The following FUBP1 variants were observed in gnomAD, a reference collection of about 807,000 sequenced individuals.
The protein encoded by FUBP1 is far upstream element-binding protein 1.
FUBP1 carries 16 observed loss-of-function variants against 94.9 expected under a neutral mutation model. The ratio of observed to expected loss-of-function variants is 0.17; its 90% CI spans 0.11 to 0.26. The LOEUF (loss-of-function observed/expected upper bound fraction) is 0.26. Ranked by LOEUF, FUBP1 falls within the 10% of genes least tolerant of loss-of-function variation. The pLI, the probability that FUBP1 is intolerant of heterozygous loss-of-function variation, is 1.00. For synonymous variants in FUBP1, 279 were observed against 254.9 expected, an observed-to-expected ratio of 1.09 and a Z score of -0.90; for missense variants, 583 against 808.6, an observed-to-expected ratio of 0.72 and a Z score of 3.38.
chr1:77,965,264 G>A (rs548209601), intron 7 of FUBP1, 33 bp from the exon 8 acceptor site: 4 of 1,436,338 alleles, frequency 2.8e-6, no homozygotes, highest in Non-Finnish European at 3.9e-6. Context: ...ATAGTAAGCT[G>A]TAGCATACCC....
At chr1:77,967,536 C>A (rs1260828066) in intron 4 of FUBP1, 91 bp downstream of exon 4, 2 of 903,064 alleles carry the variant, frequency 2.2e-6, no homozygotes, top group Non-Finnish European at 3.6e-6. Context: ...AATACACAGA[C>A]ACATATTCAA....
intron 18 of FUBP1, among the ~76,000 whole-genome samples, chr1:77,953,026 C>T (rs1336266573): frequency 2.6e-5 from 4 of 151,898 alleles, no homozygotes; most frequent in Non-Finnish European, 5.9e-5. Context: ...ATCCCAGCTA[C>T]TTGGGAAGTT....
chr1:77,957,367 G>C (rs114556460), intron 16 of FUBP1, among the ~76,000 whole-genome samples: 10 of 152,062 alleles, frequency 6.6e-5, no homozygotes, highest in Admixed American at 3.9e-4. Context: ...CCCTTTGGTT[G>C]TATCTCTTCA....
intron 1 of FUBP1, among the ~76,000 whole-genome samples, chr1:77,976,957 T>C (rs1317129381): frequency 1.3e-5 from 2 of 152,188 alleles, no homozygotes; most frequent in Non-Finnish European, 2.9e-5. Flanking sequence ...CTGCGCATGC[T>C]GCTTCTTTTC....
At position 77,948,455 on chromosome 1, in the gene FUBP1, A is replaced by G; in HGVS notation, c.*311T>C. 8.6e-7 allele frequency: 1 copy of G among 1,161,094 alleles called. No homozygotes were observed. Among genetic ancestry groups the G allele is most frequent in the Non-Finnish European group, 1.1e-6 (1 of 941,068 alleles). The allele number at this position is 1,161,094 out of a possible 1,614,324, so 71.9% of individuals were successfully genotyped here. A position where few individuals can be genotyped will look rare whatever the true frequency, so the allele number is the denominator to read the frequency against. On this transcript the variant is annotated 3_prime_UTR_variant, in exon 20 of 20. Coordinates refer to ENST00000370768, the MANE Select transcript of FUBP1 (RefSeq NM_003902.5). The stretch of plus-strand genomic sequence containing the variant: ...GCACAAAACAGGCATTTTAAAAGTG[A>G]AAGTATACATTGAAAAAGTACATTT...
intron 14 of FUBP1, 35 bp from the exon 15 acceptor site, chr1:77,960,530 A>G: frequency 1.3e-6 from 2 of 1,541,556 alleles, no homozygotes; most frequent in Non-Finnish European, 1.8e-6. Context: ...AAAATCAGAA[A>G]AACACAGTAA....
chr1:77,968,637 A>C (rs1656958423), intron 2 of FUBP1, among the ~76,000 whole-genome samples: 1 of 150,328 alleles, frequency 6.7e-6, no homozygotes, highest in Non-Finnish European at 1.5e-5. Context: ...CCACAAAGCT[A>C]TGCCCAAAAA....
intron 18 of FUBP1, among the ~76,000 whole-genome samples, chr1:77,950,577 G>A (rs11162400): frequency 0.09 from 13,756 of 152,186 alleles, 820 homozygotes; most frequent in Admixed American, 0.18. Context: ...GAAGCTGAGT[G>A]TCTGATGCCT....
chr1:77,978,664 C>CGT (rs1659226623), intron 1 of FUBP1, among the ~76,000 whole-genome samples: 1 of 152,206 alleles, frequency 6.6e-6, no homozygotes, highest in Non-Finnish European at 1.5e-5. Flanking sequence ...GCCTTCTTTG[C>CGT]GTAGCACGCG....
Position 77,960,224 on chromosome 1 carries a change from A to G in FUBP1, c.1536T>C (p.Asn512=). The G allele has an allele frequency of 6.2e-7, 1 of 1,612,770 alleles. No homozygotes were observed. The highest frequency in any genetic ancestry group is 2.2e-5 in the East Asian group (1 of 44,874). Residue 512 remains asparagine (N), a synonymous_variant, in exon 16 of 20, where the codon AAT becomes AAC. Coordinates refer to ENST00000370768, the MANE Select transcript of FUBP1 (RefSeq NM_003902.5). ...PAPYAPQGWG[N]AYPHWQQQAP... ...CCTGCTGCTGCCAGTGTGGATATGCATTTCCCCATCCCTGGGGAGCATATG... is the reference window on the plus strand; with the variant it reads ...CCTGCTGCTGCCAGTGTGGATATGCGTTTCCCCATCCCTGGGGAGCATATG...
chr1:77,975,434 T>C (rs990507621), intron 1 of FUBP1, among the ~76,000 whole-genome samples: 5 of 152,152 alleles, frequency 3.3e-5, no homozygotes, highest in Non-Finnish European at 7.4e-5. Context: ...AAAACAGCTC[T>C]AGTCTATATT....
At position 77,949,280 on chromosome 1, in the gene FUBP1, T is replaced by G; in HGVS notation, c.1801A>C (p.Thr601Pro). 3 of 1,613,876 alleles carry G rather than the reference T, an allele frequency of 1.9e-6. No individual in the cohort carries two copies. The highest frequency in any genetic ancestry group is 2.5e-6 in the Non-Finnish European group (3 of 1,179,772). Residue 601 changes from threonine to proline, a missense_variant, in exon 19 of 20, where the codon ACT becomes CCT. By Grantham distance (38) the Thr-to-Pro change is conservative (BLOSUM62 -1). Transcript: ENST00000370768. The stretch of plus-strand genomic sequence containing the variant: ...GGCTGACCACCTGGAGGAGCCCCAG[T>G]CGGAGCAGGAACTGCCTGACCTTTG... ...KKMGQAVPAP[T>P]GAPPGGQPDY...
chr1:77,961,317 A>G (rs1655438225), intron 14 of FUBP1, among the ~76,000 whole-genome samples: 1 of 152,218 alleles, frequency 6.6e-6, no homozygotes, highest in Non-Finnish European at 1.5e-5. Context: ...TCTCACTGCA[A>G]AATAGGGAAA....
At position 77,949,622 on chromosome 1, in the gene FUBP1, C is replaced by T. The variant is rs192992419; in HGVS notation, c.1781-322G>A. Among the ~76,000 whole-genome samples, 95 of 151,740 alleles carry T rather than the reference C, an allele frequency of 6.3e-4. 1 individual carries two copies. Among genetic ancestry groups the T allele is most frequent in the Non-Finnish European group, 1.1e-3 (74 of 67,936 alleles). Reference sequence around the variant, plus strand: ...CTTTTCTTTTTGCCTTATAATTAATCGTTAACTTTTAGTTCTAGAGCGTCA... The same window carrying T: ...CTTTTCTTTTTGCCTTATAATTAATTGTTAACTTTTAGTTCTAGAGCGTCA... On this transcript the variant is annotated intron_variant, in intron 18 of 19. Coordinates refer to ENST00000370768, the MANE Select transcript of FUBP1 (RefSeq NM_003902.5).
At chr1:77,961,992 G>A (rs1026561251) in intron 14 of FUBP1, among the ~76,000 whole-genome samples, 2 of 152,012 alleles carry the variant, frequency 1.3e-5, no homozygotes, top group Non-Finnish European at 2.9e-5. Flanking sequence ...TGTTTTGCAC[G>A]CACCCCATTC....
At chr1:77,970,473 A>G (rs1657314948) in intron 1 of FUBP1, among the ~76,000 whole-genome samples, 2 of 152,224 alleles carry the variant, frequency 1.3e-5, no homozygotes, top group African/African-American at 2.4e-5. Context: ...TCTAAGTGTA[A>G]AATTACTCAC....
Position 77,966,973 on chromosome 1 carries a change from A to T in FUBP1, c.344-18T>A. On this transcript the variant is annotated intron_variant, in intron 5 of 19. Coordinates refer to ENST00000370768, the MANE Select transcript of FUBP1 (RefSeq NM_003902.5). ...GCCAATTACTAGTTAGAAAAAAAAA[A>T]ATTTTTTTTTTGGTTGAAAGATTCT... is the stretch of plus-strand genomic sequence containing the variant. The T allele has an allele frequency of 6.3e-7, 1 of 1,581,368 alleles. No individual in the cohort carries two copies. Among genetic ancestry groups the T allele is most frequent in the Non-Finnish European group, 8.6e-7 (1 of 1,157,028 alleles).
rs1295454518 is a variant in FUBP1, at chr1:77,960,043, A to G, written c.1576+141T>C. The G allele has an allele frequency of 9.2e-6, 6 of 651,612 alleles. No homozygotes were observed. In the Admixed American group the frequency reaches 1.7e-4, roughly 19 times the overall value. 40.4% of individuals were successfully genotyped at this position (651,612 alleles called of 1,614,324 possible). On this transcript the variant is annotated intron_variant, in intron 16 of 19. Transcript: ENST00000370768. Reference sequence around the variant, plus strand: ...TCATGTCAGTCCTATACACTGGGGTAGAGGCAGTGCCTAACACTGTTGAAA... The same window carrying G: ...TCATGTCAGTCCTATACACTGGGGTGGAGGCAGTGCCTAACACTGTTGAAA...
chr1:77,960,595 C>CA lies in FUBP1; in HGVS notation c.1345-101dup, dbSNP rs1442635520. 5.1e-6 allele frequency: 5 copies of CA among 975,462 alleles called. No homozygotes were observed. The African/African-American group carries it at 8.6e-5, about 17-fold the overall frequency. 60.4% of individuals were successfully genotyped at this position (975,462 alleles called of 1,614,324 possible). On this transcript the variant is annotated intron_variant, in intron 14 of 19. Transcript: ENST00000370768. ...ATCCATTTCTACCCTCTTATAGTCA[C>CA]AAATAACAAATTTTAGGTTTTCCTT...
Sources: allele counts gnomAD v4.1 joint callset (sites outside exome capture counted in the v4.1 genomes callset), GRCh38; gene constraint gnomAD v4.1.1; transcripts MANE v1.5; gene names NCBI Gene and HGNC (gene_info 2026-07-23, HGNC 2026-07-21).